PARD3B: variants seen among roughly 807,000 people sequenced by gnomAD.
PARD3B encodes par-3 family cell polarity regulator beta.
A neutral mutation model predicts 130.2 loss-of-function variants in PARD3B; 103 were observed. That is an observed-to-expected ratio of 0.79 (90% CI 0.67 to 0.93). The LOEUF (loss-of-function observed/expected upper bound fraction) is 0.93, where lower values mean the gene tolerates loss of function less well. PARD3B is among the 40% of genes least tolerant of loss of function. PARD3B has a pLI of 0.00. For synonymous variants in PARD3B, 583 were observed against 553.2 expected (o/e 1.05, Z -0.76); for missense variants, 1,609 against 1,499.2 (o/e 1.07, Z -1.21).
chr2:204,843,025 G>T (rs2125590781), intron 2 of PARD3B, among the ~76,000 whole-genome samples: 1 of 152,228 alleles, frequency 6.6e-6, no homozygotes, highest in East Asian at 1.9e-4. Context: ...ATTCAAACAT[G>T]CGTGTCTGGG....
At chr2:204,665,104 G>C (rs1362750519) in intron 1 of PARD3B, among the ~76,000 whole-genome samples, 1 of 148,766 alleles carries the variant, frequency 6.7e-6, no homozygotes, top group East Asian at 2.0e-4. Flanking sequence ...TGATTTTCTT[G>C]TTTTTGTTTT....
intron 18 of PARD3B, among the ~76,000 whole-genome samples, chr2:205,306,658 C>A (rs2042193958): frequency 6.6e-6 from 1 of 152,146 alleles, no homozygotes; most frequent in South Asian, 2.1e-4. Context: ...GCACCTCGGG[C>A]TTTGTTTCTT....
At chr2:204,956,308 G>A (rs1404647871) in intron 2 of PARD3B, among the ~76,000 whole-genome samples, 1 of 151,954 alleles carries the variant, frequency 6.6e-6, no homozygotes, top group Non-Finnish European at 1.5e-5. Context: ...AGGGAAGGAG[G>A]GAAAATGAAA....
At chr2:204,883,813 C>G (rs942238438) in intron 2 of PARD3B, among the ~76,000 whole-genome samples, 1 of 150,422 alleles carries the variant, frequency 6.6e-6, no homozygotes, top group Non-Finnish European at 1.5e-5. Context: ...AAGCTCGGCT[C>G]ACTGCAACCT....
intron 2 of PARD3B, among the ~76,000 whole-genome samples, chr2:204,843,480 G>A (rs910197911): frequency 5.3e-5 from 8 of 151,858 alleles, no homozygotes; most frequent in Non-Finnish European, 7.4e-5. Context: ...ACCTCCACCT[G>A]TGGGGTTCAA....
rs566185578 is a variant in PARD3B at position 205,146,465 on chromosome 2, C to T, written c.1435-12257C>T. On this transcript the variant is annotated intron_variant, in intron 10 of 22. Transcript: ENST00000406610. The surrounding 1 kb of genome is among the most constrained non-coding windows in gnomAD (Gnocchi z 4.3). The stretch of plus-strand genomic sequence containing the variant: ...GAGATCGAGACCATCCTGGCTAACA[C>T]GGCAAAACCCCGTCTCTACTAAAAA... Among the ~76,000 whole-genome samples, 533 of 151,946 alleles carry T rather than the reference C, an allele frequency of 3.5e-3. 1 individual carries two copies. The highest frequency in any genetic ancestry group is 6.6e-3 in the Non-Finnish European group (449 of 67,982).
chr2:204,703,529 G>C (rs2037993425), intron 2 of PARD3B, among the ~76,000 whole-genome samples: 1 of 152,146 alleles, frequency 6.6e-6, no homozygotes, highest in South Asian at 2.1e-4. Context: ...AATTTCTGTA[G>C]AGTTGCCATG....
At chr2:205,441,163 A>G (rs1350583535) in intron 20 of PARD3B, among the ~76,000 whole-genome samples, 1 of 152,148 alleles carries the variant, frequency 6.6e-6, no homozygotes, top group Non-Finnish European at 1.5e-5. Flanking sequence ...GGGAAAGGTG[A>G]CCCTGTATAG....
At chr2:204,915,799 T>A (rs1575294856) in intron 2 of PARD3B, among the ~76,000 whole-genome samples, 3 of 152,336 alleles carry the variant, frequency 2.0e-5, no homozygotes, top group Admixed American at 2.0e-4. Flanking sequence ...TTCTGTGGTT[T>A]CATTGTCACT....
intron 2 of PARD3B, among the ~76,000 whole-genome samples, chr2:204,755,733 C>T (rs535962082): frequency 6.6e-6 from 1 of 152,104 alleles, no homozygotes; most frequent in South Asian, 2.1e-4. Flanking sequence ...AAGAGTTATT[C>T]CAGGCAATGG....
intron 18 of PARD3B, among the ~76,000 whole-genome samples, chr2:205,362,218 T>A (rs1207422879): frequency 6.6e-6 from 1 of 152,162 alleles, no homozygotes; most frequent in African/African-American, 2.4e-5. Context: ...CAAAATTGAG[T>A]CACAGCATTA....
chr2:205,124,218 A>G (rs1316342601), intron 8 of PARD3B, 109 bp from the exon 9 acceptor site: 1 of 916,462 alleles, frequency 1.1e-6, no homozygotes, highest in African/African-American at 1.7e-5. Flanking sequence ...GAATGTAAAT[A>G]TTTTACTGAT....
intron 3 of PARD3B, among the ~76,000 whole-genome samples, chr2:204,980,525 A>G (rs909179828): frequency 6.6e-6 from 1 of 152,222 alleles, no homozygotes. Context: ...AATCCACAGT[A>G]GAGAAACCTG....
chr2:205,111,797 A>C (rs1311805301), intron 5 of PARD3B, among the ~76,000 whole-genome samples: 1 of 152,058 alleles, frequency 6.6e-6, no homozygotes, highest in African/African-American at 2.4e-5. Flanking sequence ...AAGGGTAATA[A>C]TTTTCAGTGA....
chr2:204,547,128 A>G (rs2030024775), intron 1 of PARD3B, among the ~76,000 whole-genome samples: 1 of 152,204 alleles, frequency 6.6e-6, no homozygotes, highest in Non-Finnish European at 1.5e-5. Flanking sequence ...TGGTCAATCT[A>G]GTGATGGAAA....
intron 16 of PARD3B, among the ~76,000 whole-genome samples, chr2:205,257,897 G>A (rs2040155878): frequency 6.6e-6 from 1 of 151,970 alleles, no homozygotes; most frequent in Non-Finnish European, 1.5e-5. Flanking sequence ...AGACCTTCAG[G>A]ATACATTAAC....
intron 10 of PARD3B, among the ~76,000 whole-genome samples, chr2:205,126,202 A>C (rs1475895075): frequency 6.6e-6 from 1 of 152,194 alleles, no homozygotes; most frequent in Non-Finnish European, 1.5e-5. Flanking sequence ...TATTTAACCT[A>C]TTCTTGAGGG....
chr2:205,023,073 C>T (rs1168162927), intron 3 of PARD3B, among the ~76,000 whole-genome samples: 9 of 152,258 alleles, frequency 5.9e-5, no homozygotes, highest in Non-Finnish European at 8.8e-5. Context: ...AGAGATCATC[C>T]GACAGCACTC....
rs373062919 is a variant in PARD3B at position 204,670,143 on chromosome 2, A to G, written c.121-16038A>G. ...CTGGGCCACTCTTCTGTACCATTTA[A>G]TTTTTTAAAATCAAAGTAATGCTTA... is the stretch of plus-strand genomic sequence containing the variant. On this transcript the variant is annotated intron_variant, in intron 1 of 22. Coordinates refer to ENST00000406610, the MANE Select transcript of PARD3B (RefSeq NM_001302769.2). Among the ~76,000 whole-genome samples the G allele has an allele frequency of 1.2e-4, 19 of 152,176 alleles. No homozygotes were observed. The East Asian group carries it at 2.1e-3, about 17-fold the overall frequency.
Sources: allele counts gnomAD v4.1 joint callset (sites outside exome capture counted in the v4.1 genomes callset), GRCh38; gene constraint gnomAD v4.1.1; non-coding constraint Gnocchi (gnomAD v3.1); transcripts MANE v1.5; gene names NCBI Gene and HGNC (gene_info 2026-07-23, HGNC 2026-07-21).